Variants in MAGI1 observed in about 807,000 individuals in gnomAD.
MAGI1 encodes the protein membrane associated guanylate kinase, WW and PDZ domain containing 1.
A neutral mutation model predicts 139.9 loss-of-function variants in MAGI1; 58 were observed. That is an observed-to-expected ratio of 0.41 (90% CI 0.34 to 0.52). The LOEUF (loss-of-function observed/expected upper bound fraction) is 0.52. MAGI1 is among the 20% of genes least tolerant of loss of function. The pLI is 0.12. For missense variants in MAGI1, 1,874 were observed against 1,901.6 expected (o/e 0.99, Z 0.27); for synonymous variants, 812 against 737.9 (o/e 1.10, Z -1.63).
chr3:65,462,181 G>C (rs559488356), intron 5 of MAGI1, among the ~76,000 whole-genome samples: 1 of 152,094 alleles, frequency 6.6e-6, no homozygotes, highest in Non-Finnish European at 1.5e-5. Context: ...TTTTAGTCAT[G>C]AAGTCTTTGC....
intron 1 of MAGI1, among the ~76,000 whole-genome samples, chr3:66,005,451 C>T (rs2066964502): frequency 6.6e-6 from 1 of 152,180 alleles, no homozygotes. Flanking sequence ...AACACCATTC[C>T]CATCAGGATA....
At chr3:65,829,418 C>T (rs1310916474) in intron 1 of MAGI1, among the ~76,000 whole-genome samples, 2 of 152,142 alleles carry the variant, frequency 1.3e-5, no homozygotes, top group South Asian at 2.1e-4. Context: ...TCCGCTCTCA[C>T]GAATATGATT....
At chr3:66,019,055 G>T (rs1377192903) in intron 1 of MAGI1, among the ~76,000 whole-genome samples, 1 of 152,136 alleles carries the variant, frequency 6.6e-6, no homozygotes, top group African/African-American at 2.4e-5. Flanking sequence ...CAGCTGCCAG[G>T]TACTGCCTGG....
chr3:65,571,737 T>C (rs1437955656), intron 2 of MAGI1, among the ~76,000 whole-genome samples: 1 of 151,954 alleles, frequency 6.6e-6, no homozygotes. Context: ...ATAGGTGTAG[T>C]TGATGAATAC....
At chr3:65,806,014 A>G (rs1015355982) in intron 1 of MAGI1, among the ~76,000 whole-genome samples, 1 of 152,224 alleles carries the variant, frequency 6.6e-6, no homozygotes, top group East Asian at 1.9e-4. Flanking sequence ...TGATAGGTTC[A>G]TAAGTGCAGC....
In MAGI1 at chr3:65,825,464, T is replaced by C. The variant is rs115556088; in HGVS notation, c.314-203376A>G. Among the ~76,000 whole-genome samples the C allele has an allele frequency of 7.5e-3, 1,135 of 152,298 alleles. 13 individuals carry two copies. Among genetic ancestry groups the C allele is most frequent in the African/African-American group, 0.026 (1,073 of 41,570 alleles). ...TCTGAAATCAACCATGGTGGATACA[T>C]TGACACCATGGAAATCGGCAAGTGC... On this transcript the variant is annotated intron_variant, in intron 1 of 22. Coordinates refer to ENST00000402939, the MANE Select transcript of MAGI1 (RefSeq NM_001033057.2).
At chr3:65,852,742 A>C (rs2059246857) in intron 1 of MAGI1, among the ~76,000 whole-genome samples, 1 of 151,832 alleles carries the variant, frequency 6.6e-6, no homozygotes, top group South Asian at 2.1e-4. Context: ...ACCTCAGGTG[A>C]TCTGCCCGCC....
intron 1 of MAGI1, 67 bp from the exon 2 acceptor site, chr3:65,622,155 G>T: frequency 3.6e-6 from 4 of 1,111,754 alleles, no homozygotes; most frequent in Non-Finnish European, 5.5e-6. Context: ...AAGTAGCCAA[G>T]AACTGATTGC....
chr3:65,762,170 G>A lies in MAGI1; in HGVS notation c.314-140082C>T, dbSNP rs539920945. 2.0e-4 allele frequency among the ~76,000 whole-genome samples: 31 copies of A among 152,248 alleles called. No individual in the cohort carries two copies. In the South Asian group the frequency reaches 6.2e-3, roughly 31 times the overall value. ...ACTTCCAGCACCCAGCGCCTGCCAG[G>A]AGGGCAGTCTATGAACAATCACAGC... On this transcript the variant is annotated intron_variant, in intron 1 of 22. Coordinates refer to ENST00000402939, the MANE Select transcript of MAGI1 (RefSeq NM_001033057.2).
chr3:65,388,861 TG>T (rs1943666670), intron 14 of MAGI1, among the ~76,000 whole-genome samples: 1 of 146,296 alleles, frequency 6.8e-6, no homozygotes. Context: ...TTTTTTTTTT[TG>T]AGACAGTCTC....
intron 2 of MAGI1, among the ~76,000 whole-genome samples, chr3:65,507,827 T>G (rs898036217): frequency 6.6e-6 from 1 of 152,236 alleles, no homozygotes; most frequent in Non-Finnish European, 1.5e-5. Flanking sequence ...AGTTTCTAGA[T>G]AGATGAGTCA....
chr3:65,821,368 C>T (rs1248281662), intron 1 of MAGI1, among the ~76,000 whole-genome samples: 1 of 152,142 alleles, frequency 6.6e-6, no homozygotes, highest in Non-Finnish European at 1.5e-5. Flanking sequence ...CTGGTATCCT[C>T]CCCATGACTA....
chr3:65,436,724 G>A (rs1489146981), intron 10 of MAGI1, among the ~76,000 whole-genome samples: 2 of 151,772 alleles, frequency 1.3e-5, no homozygotes, highest in African/African-American at 4.8e-5. Flanking sequence ...TCTGGGATGG[G>A]TTTGCTCCCC....
At chr3:65,778,458 C>A (rs1326442812) in intron 1 of MAGI1, among the ~76,000 whole-genome samples, 2 of 100,528 alleles carry the variant, frequency 2.0e-5, no homozygotes, top group African/African-American at 6.7e-5. Context: ...ATAAATAAGT[C>A]TTTTGAGAAA....
At chr3:65,496,241 C>T (rs1485917885) in intron 2 of MAGI1, among the ~76,000 whole-genome samples, 1 of 151,224 alleles carries the variant, frequency 6.6e-6, no homozygotes, top group East Asian at 1.9e-4. Flanking sequence ...GGGGGTCTCA[C>T]TATATTGCCC....
chr3:65,595,911 G>C (rs923103007), intron 2 of MAGI1, among the ~76,000 whole-genome samples: 3 of 152,134 alleles, frequency 2.0e-5, no homozygotes, highest in Non-Finnish European at 4.4e-5. Context: ...AAAGAGGAAA[G>C]GCATTGAGAG....
rs144251038 is a variant in MAGI1 at position 65,887,015 on chromosome 3, G to A, written c.313+150981C>T. The stretch of plus-strand genomic sequence containing the variant: ...TACCTAGTTAATGTCAAAGGCTTCT[G>A]TGCAAACTCATAAAATACAAGGTGC... On this transcript the variant is annotated intron_variant, in intron 1 of 22. Coordinates refer to ENST00000402939, the MANE Select transcript of MAGI1 (RefSeq NM_001033057.2). Among the ~76,000 whole-genome samples the A allele has an allele frequency of 5.4e-3, 829 of 152,212 alleles. 10 individuals carry two copies. The highest frequency in any genetic ancestry group is 0.014 in the African/African-American group (582 of 41,524).
At chr3:65,805,136 T>C (rs993442935) in intron 1 of MAGI1, among the ~76,000 whole-genome samples, 1 of 152,090 alleles carries the variant, frequency 6.6e-6, no homozygotes. Flanking sequence ...GAAACTATCA[T>C]CAGAGCAAAC....
chr3:65,423,054 G>C (rs989877644), intron 12 of MAGI1, among the ~76,000 whole-genome samples: 3 of 152,172 alleles, frequency 2.0e-5, no homozygotes, highest in African/African-American at 7.2e-5. Context: ...CCAGGGATGG[G>C]GTGAGATGTA....
Sources: allele counts gnomAD v4.1 joint callset (sites outside exome capture counted in the v4.1 genomes callset), GRCh38; gene constraint gnomAD v4.1.1; transcripts MANE v1.5; gene names NCBI Gene and HGNC (gene_info 2026-07-23, HGNC 2026-07-21).